Variants in NDEL1 observed in about 807,000 individuals in gnomAD.
NDEL1 encodes the protein nuclear distribution protein nudE-like 1.
A neutral mutation model predicts 45.7 loss-of-function variants in NDEL1; 9 were observed. That is an observed-to-expected ratio of 0.20 (90% CI 0.12 to 0.34). NDEL1 has a LOEUF of 0.34. Among genes scored for constraint, NDEL1 ranks in the 10% least tolerant of loss-of-function variants. The pLI is 1.00. For missense variants in NDEL1, 306 were observed against 406.2 expected (o/e 0.75, Z 2.12); for synonymous variants, 133 against 158.6 (o/e 0.84, Z 1.21).
chr17:8,424,211 G>A (rs1308321490), intron 1 of NDEL1, among the ~76,000 whole-genome samples: 3 of 152,150 alleles, frequency 2.0e-5, no homozygotes, highest in Non-Finnish European at 4.4e-5. Flanking sequence ...ACCGATTGTT[G>A]AGTTAATTGC....
At chr17:8,424,065 GA>G (rs1403493418) in intron 1 of NDEL1, among the ~76,000 whole-genome samples, 1 of 151,942 alleles carries the variant, frequency 6.6e-6, no homozygotes, top group Non-Finnish European at 1.5e-5. Flanking sequence ...ATACAGAAAA[GA>G]AAAAAAGGAA....
downstream of NDEL1, among the ~76,000 whole-genome samples, chr17:8,470,838 C>T (rs961764040): frequency 4.6e-5 from 7 of 152,184 alleles, no homozygotes; most frequent in Admixed American, 3.3e-4. This position sits in a 1 kb window ranked among gnomAD's most constrained non-coding sequence, Gnocchi z 4.2. Context: ...CAGGAGGAAT[C>T]GGTTCACGTA....
At chr17:8,471,361 G>A (rs976858625), downstream of NDEL1, among the ~76,000 whole-genome samples, 1 of 152,144 alleles carries the variant, frequency 6.6e-6, no homozygotes, top group Non-Finnish European at 1.5e-5. Flanking sequence ...GTGCTTTATC[G>A]ATCTTTCCAG....
In NDEL1 at chr17:8,448,661, A is replaced by T. The variant is rs372088307; in HGVS notation, c.501A>T (p.Val167=). Residue 167 remains valine (V), a synonymous_variant, in exon 5 of 9, where the codon GTA becomes GTT. Coordinates refer to ENST00000334527, the MANE Select transcript of NDEL1 (RefSeq NM_030808.5). ...LDEKESLLVS[V]QRLKDEARDL... is the part of the protein sequence containing the mutation. ...AAAAGGAATCTTTGTTGGTCTCTGTACAGAGGTTAAAGGATGAAGCAAGAG... is the reference window on the plus strand; with the variant it reads ...AAAAGGAATCTTTGTTGGTCTCTGTTCAGAGGTTAAAGGATGAAGCAAGAG... 3.1e-6 allele frequency: 5 copies of T among 1,613,784 alleles called. No individual in the cohort carries two copies. The highest frequency in any genetic ancestry group is 4.2e-6 in the Non-Finnish European group (5 of 1,179,832).
intron 8 of NDEL1, among the ~76,000 whole-genome samples, chr17:8,461,960 C>G (rs1911238951): frequency 6.6e-6 from 1 of 151,958 alleles, no homozygotes; most frequent in Non-Finnish European, 1.5e-5. Context: ...ATAACACTGT[C>G]TGTTCAGGGT....
downstream of NDEL1, among the ~76,000 whole-genome samples, chr17:8,472,017 C>G (rs1292453743): frequency 6.6e-6 from 1 of 152,170 alleles, no homozygotes; most frequent in Non-Finnish European, 1.5e-5. Context: ...GGAGTCCTCA[C>G]CACTTCCTAA....
chr17:8,452,742 T>C (rs1276755082), intron 6 of NDEL1, among the ~76,000 whole-genome samples: 1 of 144,504 alleles, frequency 6.9e-6, no homozygotes, highest in African/African-American at 2.5e-5. Context: ...TTTCTTCTCT[T>C]TTTTTTTTTT....
chr17:8,461,896 G>A (rs180910681), intron 8 of NDEL1, among the ~76,000 whole-genome samples: 4 of 152,122 alleles, frequency 2.6e-5, no homozygotes, highest in African/African-American at 9.6e-5. Context: ...TGGATAGGTC[G>A]GACAGGTGCC....
At chr17:8,423,294 C>G (rs371461233) in intron 1 of NDEL1, among the ~76,000 whole-genome samples, 6 of 152,098 alleles carry the variant, frequency 3.9e-5, no homozygotes, top group African/African-American at 1.4e-4. Context: ...TCTCAGATAT[C>G]ATTATGTTTT....
At chr17:8,454,671 T>C in intron 6 of NDEL1, 125 bp from the exon 7 acceptor site, 1 of 693,852 alleles carries the variant, frequency 1.4e-6, no homozygotes, top group South Asian at 1.8e-5. Flanking sequence ...ATCTATACTT[T>C]ATCCATAGTT....
chr17:8,435,927 G>C lies in NDEL1; in HGVS notation c.-131G>C, dbSNP rs569073705. On this transcript the variant is annotated 5_prime_UTR_variant, in exon 1 of 9. Coordinates refer to ENST00000334527, the MANE Select transcript of NDEL1 (RefSeq NM_030808.5). ...GAGGAGCCGGGCGCGGAGGTACGCT[G>C]AGTGGAGCTCGGGGCTGCGTAGGGG... 1.1e-5 allele frequency: 5 copies of C among 448,294 alleles called. No individual in the cohort carries two copies. The highest frequency in any genetic ancestry group is 6.2e-5 in the South Asian group (4 of 64,076). 27.8% of individuals were successfully genotyped at this position (448,294 alleles called of 1,614,324 possible).
chr17:8,417,423 C>T (rs2151691675), intron 1 of NDEL1, among the ~76,000 whole-genome samples: 1 of 152,264 alleles, frequency 6.6e-6, no homozygotes, highest in East Asian at 1.9e-4. Flanking sequence ...CCTTGAATTT[C>T]TTTTATGCTA....
At chr17:8,448,733 G>C in intron 5 of NDEL1, 47 bp downstream of exon 5, 1 of 1,545,584 alleles carries the variant, frequency 6.5e-7, no homozygotes, top group Non-Finnish European at 8.8e-7. Flanking sequence ...GAACAACATG[G>C]GTTTGAATTG....
chr17:8,470,513 C>T (rs1008142897), downstream of NDEL1, among the ~76,000 whole-genome samples: 1 of 152,182 alleles, frequency 6.6e-6, no homozygotes, highest in Non-Finnish European at 1.5e-5. The surrounding 1 kb of genome is among the most constrained non-coding windows in gnomAD (Gnocchi z 4.2). Flanking sequence ...AGCTGAGACC[C>T]AGGAGCCAAA....
In NDEL1 at chr17:8,445,196, A is replaced by G. The variant is rs144708889; in HGVS notation, c.87-515A>G. The stretch of plus-strand genomic sequence containing the variant: ...TTATATTGAAAAAAGTTATCTAAAT[A>G]TTAAACTAATTTATGGCATAGTAAC... On this transcript the variant is annotated intron_variant, in intron 2 of 8. Transcript: ENST00000334527. Among the ~76,000 whole-genome samples the G allele has an allele frequency of 4.8e-3, 730 of 152,364 alleles. 4 individuals carry two copies. Among genetic ancestry groups the G allele is most frequent in the African/African-American group, 0.016 (677 of 41,580 alleles).
At chr17:8,463,085 C>A (rs987645693) in intron 8 of NDEL1, 4 of 380,064 alleles carry the variant, frequency 1.1e-5, no homozygotes, top group Non-Finnish European at 1.9e-5. Flanking sequence ...CACCCTTTGT[C>A]TCACCATCTG....
Position 8,465,235 on chromosome 17 carries a change from A to G in NDEL1, c.945-1695A>G, listed in dbSNP as rs1427383540. Reference sequence around the variant, plus strand: ...CTATTATATGAGGGCTACCGTGGCAAATAGGATATGGCCTTGGCCCCAGAA... The same window carrying G: ...CTATTATATGAGGGCTACCGTGGCAGATAGGATATGGCCTTGGCCCCAGAA... On this transcript the variant is annotated intron_variant, in intron 8 of 8. Transcript: ENST00000334527. This position sits in a 1 kb window ranked among gnomAD's most constrained non-coding sequence, Gnocchi z 4.9. 1 of 152,250 alleles carries G rather than the reference A, an allele frequency of 6.6e-6. No individual in the cohort carries two copies. The highest frequency in any genetic ancestry group is 2.4e-5 in the African/African-American group (1 of 41,458). 9.4% of individuals were successfully genotyped at this position (152,250 alleles called of 1,614,324 possible). A position where few individuals can be genotyped will look rare whatever the true frequency, so the allele number is the denominator to read the frequency against.
intron 1 of NDEL1, among the ~76,000 whole-genome samples, chr17:8,417,756 C>G (rs989185300): frequency 6.6e-6 from 1 of 152,218 alleles, no homozygotes; most frequent in Non-Finnish European, 1.5e-5. Flanking sequence ...AAGACTTCCC[C>G]TCTCCCAAAT....
rs138529114 is a variant in NDEL1 at position 8,467,009 on chromosome 17, C to T, written c.1024C>T (p.Pro342Ser). 1,145 of 1,614,038 alleles carry T rather than the reference C, an allele frequency of 7.1e-4. 1 individual carries two copies. Among genetic ancestry groups the T allele is most frequent in the Non-Finnish European group, 9.0e-4 (1,066 of 1,180,032 alleles). The change falls in exon 9 of 9, where the codon CCT becomes TCT. Residue 342 changes from proline (P) to serine (S), a missense_variant. By Grantham distance (74) the Pro-to-Ser change is moderately conservative (BLOSUM62 -1). Coordinates refer to ENST00000334527, the MANE Select transcript of NDEL1 (RefSeq NM_030808.5). This position sits in a 1 kb window ranked among gnomAD's most constrained non-coding sequence, Gnocchi z 6.3. Reference protein sequence around the residue: ...SRPSSAPGMLPLSV With the variant: ...SRPSSAPGMLSLSV ...TCCATCGTCAGCGCCGGGTATGCTG[C>T]CTCTCAGTGTGTGAGTGCCTAGCCT...
Sources: gnomAD v4.1 joint callset for allele counts (sites outside exome capture counted in the v4.1 genomes callset) on GRCh38, gnomAD v4.1.1 for gene constraint, Gnocchi (gnomAD v3.1) non-coding constraint, MANE v1.5 for transcripts, NCBI Gene and HGNC (gene_info 2026-07-23, HGNC 2026-07-21) for gene names.